IGLON5: variants seen among roughly 807,000 people sequenced by gnomAD.
The protein encoded by IGLON5 is Ig-like domain-containing protein ENSP00000270642.
A neutral mutation model predicts 38.2 loss-of-function variants in IGLON5; 16 were observed. The observed-to-expected ratio is 0.42, with a 90% CI of 0.28 to 0.64. The LOEUF (loss-of-function observed/expected upper bound fraction) is 0.64, where lower values mean the gene tolerates loss of function less well. IGLON5 is among the 30% of genes least tolerant of loss of function. The probability of loss-of-function intolerance (pLI) is 0.23; values close to 1 mark genes in which losing one functional copy is unlikely to be tolerated. For synonymous variants in IGLON5, 207 were observed against 216.4 expected (o/e 0.96, Z 0.38); for missense variants, 366 against 483.4 (o/e 0.76, Z 2.28).
intron 1 of IGLON5, among the ~76,000 whole-genome samples, chr19:51,314,972 G>T (rs960572631): frequency 2.0e-5 from 3 of 152,042 alleles, no homozygotes; most frequent in African/African-American, 7.3e-5. Flanking sequence ...GTGATGGATT[G>T]GTTGGTTTGT....
Position 51,327,811 on chromosome 19 carries a change from G to A in IGLON5, c.847G>A (p.Ala283Thr), listed in dbSNP as rs778317468. The A allele has an allele frequency of 5.1e-6, 8 of 1,559,344 alleles. No individual in the cohort carries two copies. Among genetic ancestry groups the A allele is most frequent in the Non-Finnish European group, 5.2e-6 (6 of 1,153,552 alleles). Reference sequence around the variant, plus strand: ...GATGCTTCTCTTTGCCAACGTGAGCGCCCGGCATTACGGCAACTATACGTG... The same window carrying A: ...GATGCTTCTCTTTGCCAACGTGAGCACCCGGCATTACGGCAACTATACGTG... ...RSMLLFANVS[A>T]RHYGNYTCRA... The change falls in exon 7 of 8, where the codon GCC becomes ACC. Residue 283 changes from alanine to threonine, a missense_variant. Ala to Thr is a moderately conservative substitution (Grantham distance 58). Transcript: ENST00000270642. The surrounding 1 kb of genome is among the most constrained non-coding windows in gnomAD (Gnocchi z 7.1).
chr19:51,329,987 AG>A lies in IGLON5; in HGVS notation c.*1230del, dbSNP rs1985314775. ...AGGCCGCAGCCTCAGCTCTGACTGT[AG>A]GAACACTCCACCCTGGTACACCACA... On this transcript the variant is annotated 3_prime_UTR_variant, in exon 8 of 8. Coordinates refer to ENST00000270642, the MANE Select transcript of IGLON5 (RefSeq NM_001101372.3). The surrounding 1 kb of genome is among the most constrained non-coding windows in gnomAD (Gnocchi z 4.3). 6.6e-6 allele frequency: 1 copy of A among 152,258 alleles called. No homozygotes were observed. Among genetic ancestry groups the A allele is most frequent in the Admixed American group, 6.5e-5 (1 of 15,284 alleles). 9.4% of individuals were successfully genotyped at this position (152,258 alleles called of 1,614,324 possible). A position where few individuals can be genotyped will look rare whatever the true frequency, so the allele number is the denominator to read the frequency against.
rs77351008 is a variant in IGLON5 at position 51,313,239 on chromosome 19, G to A, written c.79+1313G>A. Among the ~76,000 whole-genome samples the A allele has an allele frequency of 4.4e-3, 677 of 152,162 alleles. 5 individuals carry two copies. Among genetic ancestry groups the A allele is most frequent in the African/African-American group, 0.015 (624 of 41,532 alleles). On this transcript the variant is annotated intron_variant, in intron 1 of 7. Coordinates refer to ENST00000270642, the MANE Select transcript of IGLON5 (RefSeq NM_001101372.3). ...GTCTCCCACCTGACCAGTCTGAATC[G>A]CCCTCTGACTTTCTGACCACCTGTC...
At chr19:51,313,564 C>G (rs1984820714) in intron 1 of IGLON5, among the ~76,000 whole-genome samples, 1 of 151,118 alleles carries the variant, frequency 6.6e-6, no homozygotes, top group African/African-American at 2.5e-5. Context: ...TCTGACCTAC[C>G]TTTCTCTTTT....
chr19:51,324,044 A>G lies in IGLON5; in HGVS notation c.391+150A>G. On this transcript the variant is annotated intron_variant, in intron 3 of 7. Transcript: ENST00000270642. This position sits in a 1 kb window ranked among gnomAD's most constrained non-coding sequence, Gnocchi z 4.2. ...TTGCCCTTGGGGATTTCAGCCCAGC[A>G]GAAGGGGGCCAGTTACACAGACAGT... 1 of 612,226 alleles carries G rather than the reference A, an allele frequency of 1.6e-6. No individual in the cohort carries two copies. The highest frequency in any genetic ancestry group is 2.9e-6 in the Non-Finnish European group (1 of 348,276). 37.9% of individuals were successfully genotyped at this position (612,226 alleles called of 1,614,324 possible). A position where few individuals can be genotyped will look rare whatever the true frequency, so the allele number is the denominator to read the frequency against.
chr19:51,315,256 A>G (rs775635455), intron 1 of IGLON5, among the ~76,000 whole-genome samples: 10 of 151,366 alleles, frequency 6.6e-5, no homozygotes, highest in Non-Finnish European at 1.3e-4. Flanking sequence ...TGGGGCAGCT[A>G]GCAGAGTGAT....
chr19:51,325,917 T>C lies in IGLON5; in HGVS notation c.511+452T>C, dbSNP rs1284632693. On this transcript the variant is annotated intron_variant, in intron 4 of 7. Transcript: ENST00000270642. This position sits in a 1 kb window ranked among gnomAD's most constrained non-coding sequence, Gnocchi z 5.5. ...CCCAGACCCGAAGCATCAGCATACCTTGGGAACTTGCCAGGAATGCACTTT... is the reference window on the plus strand; with the variant it reads ...CCCAGACCCGAAGCATCAGCATACCCTGGGAACTTGCCAGGAATGCACTTT... Among the ~76,000 whole-genome samples the C allele has an allele frequency of 1.3e-5, 2 of 152,084 alleles. No individual in the cohort carries two copies. Among genetic ancestry groups the C allele is most frequent in the African/African-American group, 4.8e-5 (2 of 41,404 alleles).
chr19:51,325,442 C>A lies in IGLON5; in HGVS notation c.488C>A (p.Thr163Lys), dbSNP rs1437288467. 5 of 1,613,240 alleles carry A rather than the reference C, an allele frequency of 3.1e-6. No individual in the cohort carries two copies. ...CTGGCCGTGGGGCGGCCAGAGCCCA[C>A]GGTCACCTGGAGACAGCTCCGAGGT... The part of the protein sequence containing the change: ...LCLAVGRPEP[T>K]VTWRQLRDGF... Residue 163 changes from threonine to lysine, a missense_variant, in exon 4 of 8, where the codon ACG becomes AAG. Thr to Lys is a moderately conservative substitution (Grantham distance 78, BLOSUM62 -1). Coordinates refer to ENST00000270642, the MANE Select transcript of IGLON5 (RefSeq NM_001101372.3). This position sits in a 1 kb window ranked among gnomAD's most constrained non-coding sequence, Gnocchi z 5.5.
At chr19:51,314,733 T>C (rs1984872962) in intron 1 of IGLON5, among the ~76,000 whole-genome samples, 1 of 152,208 alleles carries the variant, frequency 6.6e-6, no homozygotes, top group African/African-American at 2.4e-5. Flanking sequence ...TGGCAAGATA[T>C]GCAAACTAGC....
At chr19:51,312,099 G>C (rs1009979039) in intron 1 of IGLON5, among the ~76,000 whole-genome samples, 173 bp downstream of exon 1, 5 of 151,894 alleles carry the variant, frequency 3.3e-5, no homozygotes, top group African/African-American at 1.2e-4. Context: ...CTGGGCAGGG[G>C]GACCTCGGAC....
At chr19:51,319,695 G>A (rs1392344277) in intron 1 of IGLON5, among the ~76,000 whole-genome samples, 3 of 152,182 alleles carry the variant, frequency 2.0e-5, no homozygotes, top group Non-Finnish European at 2.9e-5. Flanking sequence ...TGGCCTGAAT[G>A]TGACAATATG....
chr19:51,323,815 C>A lies in IGLON5; in HGVS notation c.312C>A (p.Leu104=). The A allele has an allele frequency of 6.2e-7, 1 of 1,613,734 alleles. No individual in the cohort carries two copies. ...EFSILITEVG[L]GDEGLYTCSF... ...CCATCCTCATCACCGAGGTGGGGCT[C>A]GGCGACGAGGGCCTCTACACCTGCT... is the stretch of plus-strand genomic sequence containing the variant. Residue 104 remains leucine, a synonymous_variant, in exon 3 of 8, where the codon CTC becomes CTA. Transcript: ENST00000270642.
rs1985250555 is a variant in IGLON5 at position 51,327,669 on chromosome 19, G to C, written c.768-63G>C. ...GGGTCACCGGGGAACGGAGGAGCCT[G>C]AGAGTCGGGGGGCTGGCCTGGCTGG... On this transcript the variant is annotated intron_variant, in intron 6 of 7. Coordinates refer to ENST00000270642, the MANE Select transcript of IGLON5 (RefSeq NM_001101372.3). The surrounding 1 kb of genome is among the most constrained non-coding windows in gnomAD (Gnocchi z 7.1). 1 of 1,534,416 alleles carries C rather than the reference G, an allele frequency of 6.5e-7. No individual in the cohort carries two copies. The highest frequency in any genetic ancestry group is 1.4e-5 in the African/African-American group (1 of 72,802).
chr19:51,322,823 C>CCT (rs1417124966), intron 2 of IGLON5, among the ~76,000 whole-genome samples: 2 of 143,602 alleles, frequency 1.4e-5, no homozygotes, highest in African/African-American at 2.6e-5. Context: ...TCTCTGTACC[C>CCT]CTCTCTCTGT....
Position 51,327,808 on chromosome 19 carries a change from A to G in IGLON5, c.844A>G (p.Ser282Gly). ...TRSMLLFANV[S>G]ARHYGNYTCR... ...CTCGATGCTTCTCTTTGCCAACGTGAGCGCCCGGCATTACGGCAACTATAC... is the reference window on the plus strand; with the variant it reads ...CTCGATGCTTCTCTTTGCCAACGTGGGCGCCCGGCATTACGGCAACTATAC... Residue 282 changes from serine to glycine, a missense_variant, in exon 7 of 8, where the codon AGC becomes GGC. Coordinates refer to ENST00000270642, the MANE Select transcript of IGLON5 (RefSeq NM_001101372.3). This position sits in a 1 kb window ranked among gnomAD's most constrained non-coding sequence, Gnocchi z 7.1. The G allele has an allele frequency of 6.4e-7, 1 of 1,560,664 alleles. No individual in the cohort carries two copies. Among genetic ancestry groups the G allele is most frequent in the Middle Eastern group, 2.3e-4 (1 of 4,376 alleles).
At chr19:51,314,610 T>A (rs58285859) in intron 1 of IGLON5, among the ~76,000 whole-genome samples, 54,054 of 151,992 alleles carry the variant, frequency 0.36, 10,635 homozygotes, top group South Asian at 0.52. Flanking sequence ...TAGGTTCCCC[T>A]TTTGAGAACT....
chr19:51,313,285 C>T (rs1398327333), intron 1 of IGLON5, among the ~76,000 whole-genome samples: 1 of 152,196 alleles, frequency 6.6e-6, no homozygotes, highest in Non-Finnish European at 1.5e-5. Flanking sequence ...TCATGCATCT[C>T]TTTAGGTCTT....
At chr19:51,323,244 G>C (rs12462220) in intron 2 of IGLON5, among the ~76,000 whole-genome samples, 40,469 of 97,858 alleles carry the variant, frequency 0.41, 6,093 homozygotes, top group East Asian at 0.54. Flanking sequence ...GGGTCTCTGT[G>C]TCTCTCTCTC....
intron 1 of IGLON5, among the ~76,000 whole-genome samples, chr19:51,312,365 CCCTGAAGAGGT>C (rs1984788388): frequency 6.6e-6 from 1 of 151,082 alleles, no homozygotes; most frequent in Non-Finnish European, 1.5e-5. Flanking sequence ...TGGAGAGGGT[CCCTGAAGAGGT>C]CCTTGCCGGG....
Sources: gnomAD v4.1 joint callset for allele counts (sites outside exome capture counted in the v4.1 genomes callset) on GRCh38, gnomAD v4.1.1 for gene constraint, Gnocchi (gnomAD v3.1) non-coding constraint, MANE v1.5 for transcripts, NCBI Gene and HGNC (gene_info 2026-07-23, HGNC 2026-07-21) for gene names.